CYP4X1: variants seen among roughly 807,000 people sequenced by gnomAD.
CYP4X1 encodes the protein cytochrome P450 family 4 subfamily X member 1.
CYP4X1 carries 44 observed loss-of-function variants against 57.9 expected under a neutral mutation model. The ratio of observed to expected loss-of-function variants is 0.76; its 90% CI spans 0.60 to 0.98. The LOEUF (loss-of-function observed/expected upper bound fraction) is 0.98, where lower values mean the gene tolerates loss of function less well. CYP4X1 is among the 50% of genes least tolerant of loss of function. The pLI, the probability that CYP4X1 is intolerant of heterozygous loss-of-function variation, is 0.00. For synonymous variants in CYP4X1, 227 were observed against 228.6 expected (o/e 0.99, Z 0.06); for missense variants, 532 against 623.9 (o/e 0.85, Z 1.57).
the CYP4X1 span, among the ~76,000 whole-genome samples, chr1:46,996,742 T>A: frequency 6.6e-6 from 1 of 152,198 alleles, no homozygotes; most frequent in Non-Finnish European, 1.5e-5. Flanking sequence ...TAACTCAGCA[T>A]CTATGTCTTT....
chr1:46,967,440 G>C, the CYP4X1 span, among the ~76,000 whole-genome samples: 1 of 152,188 alleles, frequency 6.6e-6, no homozygotes, highest in African/African-American at 2.4e-5. Flanking sequence ...GGGCAGGCAG[G>C]AGATTGGTTG....
intron 4 of CYP4X1, 41 bp from the exon 5 acceptor site, chr1:47,035,765 A>ATGG (rs1297387293): frequency 2.5e-6 from 4 of 1,585,306 alleles, no homozygotes; most frequent in Non-Finnish European, 3.4e-6. Flanking sequence ...CAATTTGGTC[A>ATGG]TGGTGGTGGT....
At chr1:47,021,869 A>G (rs1228866002), upstream of CYP4X1, among the ~76,000 whole-genome samples, 1 of 152,200 alleles carries the variant, frequency 6.6e-6, no homozygotes, top group Non-Finnish European at 1.5e-5. Flanking sequence ...GAAGGTCACC[A>G]ACCACACATA....
the CYP4X1 span, chr1:47,001,143 C>T: frequency 4.7e-6 from 1 of 214,272 alleles, no homozygotes; most frequent in Non-Finnish European, 1.1e-5. Flanking sequence ...ACTGGACAGG[C>T]TCTGGCCTGT....
At chr1:47,007,804 G>C in the CYP4X1 span, among the ~76,000 whole-genome samples, 4 of 152,278 alleles carry the variant, frequency 2.6e-5, no homozygotes, top group South Asian at 8.3e-4. Flanking sequence ...TAGCCAATTC[G>C]ATCAACTGGA....
chr1:47,031,368 A>C, intron 2 of CYP4X1, 68 bp from the exon 3 acceptor site: 1 of 1,573,122 alleles, frequency 6.4e-7, no homozygotes, highest in South Asian at 1.1e-5. Context: ...GAAAACCGTC[A>C]CCAACTTGAA....
the CYP4X1 span, among the ~76,000 whole-genome samples, chr1:47,004,202 G>T: frequency 6.6e-6 from 1 of 152,094 alleles, no homozygotes; most frequent in South Asian, 2.1e-4. Context: ...GAGCCCCTGT[G>T]CTCGGGGCCG....
At chr1:46,966,740 A>G in the CYP4X1 span, among the ~76,000 whole-genome samples, 1 of 152,258 alleles carries the variant, frequency 6.6e-6, no homozygotes, top group African/African-American at 2.4e-5. Flanking sequence ...TCCCATTCAC[A>G]ATTAACATTA....
chr1:47,055,232 C>T (rs1644386187), downstream of CYP4X1, among the ~76,000 whole-genome samples: 1 of 152,106 alleles, frequency 6.6e-6, no homozygotes, highest in African/African-American at 2.4e-5. Flanking sequence ...TATTGATTTT[C>T]ATATGTTGAA....
the CYP4X1 span, among the ~76,000 whole-genome samples, chr1:47,008,609 A>G: frequency 2.0e-5 from 3 of 152,210 alleles, no homozygotes; most frequent in Non-Finnish European, 4.4e-5. Context: ...AAATGCTCCA[A>G]TTAAAAGACA....
chr1:47,010,512 G>A, the CYP4X1 span, among the ~76,000 whole-genome samples: 1 of 152,200 alleles, frequency 6.6e-6, no homozygotes, highest in African/African-American at 2.4e-5. Flanking sequence ...AGACAGGGAT[G>A]CCCTCTCTCA....
the CYP4X1 span, among the ~76,000 whole-genome samples, chr1:46,979,232 G>T: frequency 6.6e-6 from 1 of 152,060 alleles, no homozygotes; most frequent in Non-Finnish European, 1.5e-5. Flanking sequence ...CCACTAGCAA[G>T]ACTAATAAAG....
At chr1:47,014,169 ATAG>A in the CYP4X1 span, among the ~76,000 whole-genome samples, 8 of 152,222 alleles carry the variant, frequency 5.3e-5, no homozygotes, top group South Asian at 2.1e-4. Flanking sequence ...AAATTAAATA[ATAG>A]TAGTATTCAA....
the CYP4X1 span, among the ~76,000 whole-genome samples, chr1:46,991,987 C>T: frequency 6.6e-6 from 1 of 152,150 alleles, no homozygotes; most frequent in African/African-American, 2.4e-5. Flanking sequence ...CCGCTCCTCT[C>T]CCCACTCCCA....
the CYP4X1 span, among the ~76,000 whole-genome samples, chr1:47,008,126 T>A: frequency 6.6e-6 from 1 of 152,264 alleles, no homozygotes; most frequent in South Asian, 2.1e-4. Context: ...AATTGTCAGA[T>A]TCACCAAAGT....
At chr1:46,997,868 T>A in the CYP4X1 span, among the ~76,000 whole-genome samples, 2 of 152,150 alleles carry the variant, frequency 1.3e-5, no homozygotes, top group Non-Finnish European at 2.9e-5. Context: ...ACATTTGATA[T>A]TTTTAGACTC....
chr1:47,015,160 C>A, the CYP4X1 span, among the ~76,000 whole-genome samples: 234 of 152,276 alleles, frequency 1.5e-3, 1 homozygote, highest in African/African-American at 5.1e-3. Flanking sequence ...ACCTTTGATA[C>A]AGTTTTGTAT....
chr1:47,015,318 G>A, the CYP4X1 span, among the ~76,000 whole-genome samples: 3 of 152,184 alleles, frequency 2.0e-5, no homozygotes, highest in Non-Finnish European at 4.4e-5. Context: ...GTGGCCTTTT[G>A]CATGGAACTT....
chr1:46,995,698 T>A, the CYP4X1 span, among the ~76,000 whole-genome samples: 2 of 152,310 alleles, frequency 1.3e-5, no homozygotes, highest in South Asian at 4.1e-4. Context: ...CTTACTCCCA[T>A]CACTTTCCCC....
Sources: allele counts gnomAD v4.1 joint callset (sites outside exome capture counted in the v4.1 genomes callset), GRCh38; gene constraint gnomAD v4.1.1; transcripts MANE v1.5; gene names NCBI Gene and HGNC (gene_info 2026-07-23, HGNC 2026-07-21).